The following DCAF1 variants were observed in gnomAD, a reference collection of about 807,000 sequenced individuals.
DCAF1 encodes DDB1 and CUL4 associated factor 1, also known as DDB1- and CUL4-associated factor 1.
A neutral mutation model predicts 128.0 loss-of-function variants in DCAF1; 15 were observed. That is an observed-to-expected ratio of 0.12 (90% CI 0.08 to 0.18). DCAF1 has a LOEUF of 0.18. Ranked by LOEUF, DCAF1 falls within the 10% of genes least tolerant of loss-of-function variation. DCAF1 has a pLI of 1.00. For synonymous variants in DCAF1, 610 were observed against 603.0 expected, an observed-to-expected ratio of 1.01 and a Z score of -0.17; for missense variants, 988 against 1,649.5, an observed-to-expected ratio of 0.60 and a Z score of 6.95.
chr3:51,498,375 A>AG (rs1476903000), intron 1 of DCAF1, among the ~76,000 whole-genome samples: 2 of 147,116 alleles, frequency 1.4e-5, no homozygotes, highest in Non-Finnish European at 3.0e-5. Context: ...AAAAGAAAAA[A>AG]GAAAAAAAAA....
At chr3:51,497,332 G>A (rs894449917) in intron 1 of DCAF1, among the ~76,000 whole-genome samples, 8 of 152,164 alleles carry the variant, frequency 5.3e-5, no homozygotes, top group African/African-American at 1.9e-4. Flanking sequence ...GCTCACGCCT[G>A]TAATCCCAGC....
At chr3:51,445,977 T>C (rs1188361832) in intron 6 of DCAF1, among the ~76,000 whole-genome samples, 4 of 150,824 alleles carry the variant, frequency 2.7e-5, no homozygotes, top group African/African-American at 9.7e-5. Flanking sequence ...TGTCTTTTGC[T>C]AAACCTAAGT....
Position 51,420,956 on chromosome 3 carries a change from T to C in DCAF1, c.2014A>G (p.Ile672Val), listed in dbSNP as rs370312362. The part of the protein sequence containing the change: ...ILGVAEGEFF[I>V]HDAEIQKSAL... ...GACTTCTGAATTTCAGCATCATGGA[T>C]GAAGAACTCACCCTCAGCCACTCCC... Residue 672 changes from isoleucine (I) to valine (V), a missense_variant, in exon 15 of 25, where the codon ATC becomes GTC. Transcript: ENST00000684031. The surrounding 1 kb of genome is among the most constrained non-coding windows in gnomAD (Gnocchi z 6.5). 6.2e-7 allele frequency: 1 copy of C among 1,613,978 alleles called. No individual in the cohort carries two copies. Among genetic ancestry groups the C allele is most frequent in the Admixed American group, 1.7e-5 (1 of 60,018 alleles).
At position 51,441,519 on chromosome 3, in the gene DCAF1, C is replaced by T. The variant is rs950865786; in HGVS notation, c.892G>A (p.Glu298Lys). ...TCTGACCAACTGCTATTAGACAGCT[C>T]AACAAACATGCGATCTGGATCAGAA... ...SSSDPDRMFV[E>K]LSNSSWSEMS... is the part of the protein sequence containing the mutation. The change falls in exon 8 of 25, where the codon GAG becomes AAG. Residue 298 changes from glutamate to lysine, a missense_variant. By Grantham distance (56) the Glu-to-Lys change is moderately conservative. Around this residue, in one of 11 missense-constraint regions of DCAF1, gnomAD observed 210 missense variants for 260.2 expected, o/e 0.81. Coordinates refer to ENST00000684031, the MANE Select transcript of DCAF1 (RefSeq NM_001387579.1). 3 of 1,613,832 alleles carry T rather than the reference C, an allele frequency of 1.9e-6. No individual in the cohort carries two copies. The highest frequency in any genetic ancestry group is 2.5e-6 in the Non-Finnish European group (3 of 1,179,898).
intron 9 of DCAF1, among the ~76,000 whole-genome samples, chr3:51,434,554 C>A (rs1206147738): frequency 2.0e-5 from 3 of 152,186 alleles, no homozygotes; most frequent in Non-Finnish European, 4.4e-5. Flanking sequence ...CTTTTGCTAA[C>A]TTTCCCATTT....
intron 10 of DCAF1, among the ~76,000 whole-genome samples, chr3:51,432,449 C>A (rs1380133367): frequency 6.6e-6 from 1 of 150,764 alleles, no homozygotes; most frequent in African/African-American, 2.4e-5. Flanking sequence ...CAGTGAGAGA[C>A]TAGGTCTGTT....
At chr3:51,423,887 A>G (rs1165041400) in intron 13 of DCAF1, among the ~76,000 whole-genome samples, 1 of 152,074 alleles carries the variant, frequency 6.6e-6, no homozygotes, top group Non-Finnish European at 1.5e-5. Flanking sequence ...TTCATTAGCC[A>G]CATTAAAATA....
chr3:51,469,775 C>G (rs930399653), intron 4 of DCAF1, among the ~76,000 whole-genome samples: 17 of 152,062 alleles, frequency 1.1e-4, no homozygotes, highest in Non-Finnish European at 1.9e-4. Context: ...AATCCCAGCA[C>G]TTTGGGAGGT....
At chr3:51,495,914 A>G (rs1425112563) in intron 2 of DCAF1, among the ~76,000 whole-genome samples, 6 of 151,692 alleles carry the variant, frequency 4.0e-5, no homozygotes, top group Non-Finnish European at 7.4e-5. Context: ...GAACTGCTTG[A>G]GCCTAGGAGG....
At chr3:51,505,249 G>T in the DCAF1 span, among the ~76,000 whole-genome samples, 1 of 151,888 alleles carries the variant, frequency 6.6e-6, no homozygotes, top group African/African-American at 2.4e-5. Context: ...AGGCAACAGA[G>T]TGAGATTCTG....
intron 10 of DCAF1, among the ~76,000 whole-genome samples, chr3:51,431,459 G>A (rs1700371383): frequency 6.7e-6 from 1 of 149,692 alleles, no homozygotes; most frequent in South Asian, 2.1e-4. Flanking sequence ...GGCAGAGGTT[G>A]CAGTGAGCTG....
intron 9 of DCAF1, chr3:51,438,139 A>C (rs1044306917): frequency 2.6e-6 from 1 of 387,038 alleles, no homozygotes; most frequent in African/African-American, 2.1e-5. Flanking sequence ...ATTTTTTTTT[A>C]ACTGTAATTT....
chr3:51,482,485 A>G (rs984535965), intron 3 of DCAF1, among the ~76,000 whole-genome samples: 12 of 149,376 alleles, frequency 8.0e-5, no homozygotes, highest in African/African-American at 3.0e-4. Flanking sequence ...ATTCACCAGG[A>G]CGGGCGCAGT....
At chr3:51,492,305 G>A (rs1180854056) in intron 2 of DCAF1, among the ~76,000 whole-genome samples, 3 of 152,006 alleles carry the variant, frequency 2.0e-5, no homozygotes, top group African/African-American at 4.8e-5. Context: ...TCTGAGGTCA[G>A]GAGTTTGAGA....
chr3:51,470,359 G>T (rs782068734), intron 4 of DCAF1, among the ~76,000 whole-genome samples: 2 of 152,042 alleles, frequency 1.3e-5, no homozygotes, highest in Non-Finnish European at 2.9e-5. Flanking sequence ...CCAGGAGTTC[G>T]AGACCAACTT....
chr3:51,485,727 T>C (rs189903080), intron 2 of DCAF1, among the ~76,000 whole-genome samples: 9 of 152,346 alleles, frequency 5.9e-5, no homozygotes, highest in Admixed American at 3.3e-4. Flanking sequence ...CATTATTGCA[T>C]TGCATTATTG....
rs1553638737 is a variant in DCAF1, at chr3:51,441,623, C to G, written c.788G>C (p.Gly263Ala). Residue 263 changes from glycine (G) to alanine (A), a missense_variant, in exon 8 of 25, where the codon GGA (glycine) becomes GCA (alanine). Around this residue, in one of 11 missense-constraint regions of DCAF1, gnomAD observed 210 missense variants for 260.2 expected, o/e 0.81. Transcript: ENST00000684031. ...TTTTGCTGACTTGTTTTTCTTTAAT[C>G]CTCCATCCTCAGGTTTGGTTGTTGA... is the stretch of plus-strand genomic sequence containing the variant. Reference protein sequence around the residue: ...VNSTTKPEDGGLKKNKSAKQG... With the variant: ...VNSTTKPEDGALKKNKSAKQG... 2 of 1,613,838 alleles carry G rather than the reference C, an allele frequency of 1.2e-6. No homozygotes were observed. The highest frequency in any genetic ancestry group is 2.7e-5 in the African/African-American group (2 of 74,900).
chr3:51,487,928 G>C (rs1430766340), intron 2 of DCAF1, among the ~76,000 whole-genome samples: 2 of 151,964 alleles, frequency 1.3e-5, no homozygotes, highest in Non-Finnish European at 2.9e-5. Context: ...GCAGAGGCGT[G>C]ATCTTGACTC....
chr3:51,439,143 G>T (rs1309980285), intron 9 of DCAF1, among the ~76,000 whole-genome samples: 1 of 151,732 alleles, frequency 6.6e-6, no homozygotes, highest in Admixed American at 6.6e-5. Flanking sequence ...TGCCTGTTTT[G>T]TTTTTTTCAG....
Sources: allele counts gnomAD v4.1 joint callset (sites outside exome capture counted in the v4.1 genomes callset), GRCh38; gene constraint gnomAD v4.1.1; regional missense constraint gnomAD v4.1.1; non-coding constraint Gnocchi (gnomAD v3.1); transcripts MANE v1.5; gene names NCBI Gene and HGNC (gene_info 2026-07-23, HGNC 2026-07-21).